Variants in SLC13A3 observed in about 807,000 individuals in gnomAD.
The protein encoded by SLC13A3 is Na(+)/dicarboxylate cotransporter 3.
SLC13A3 carries 40 observed loss-of-function variants against 59.0 expected under a neutral mutation model. That is an observed-to-expected ratio of 0.68 (90% confidence interval 0.53 to 0.88). The LOEUF (loss-of-function observed/expected upper bound fraction) is 0.88. Among genes scored for constraint, SLC13A3 ranks in the 40% least tolerant of loss-of-function variants. SLC13A3 has a pLI of 0.00. For missense variants in SLC13A3, 699 were observed against 783.2 expected (o/e 0.89, Z 1.28); for synonymous variants, 317 against 330.3 (o/e 0.96, Z 0.44).
At chr20:46,676,418 T>C (rs1386293033) in intron 1 of SLC13A3, among the ~76,000 whole-genome samples, 1,630 of 146,568 alleles carry the variant, frequency 0.011, 31 homozygotes, top group African/African-American at 0.038. Context: ...ACTCTTTTTT[T>C]TTTTTTTTTT....
At chr20:46,626,147 GTCTC>G (rs1315012362) in intron 1 of SLC13A3, among the ~76,000 whole-genome samples, 1 of 142,530 alleles carries the variant, frequency 7.0e-6, no homozygotes, top group Admixed American at 6.9e-5. Context: ...CTGTCTCTCT[GTCTC>G]TCTCTCCCCC....
chr20:46,634,412 GC>G (rs2062775044), intron 1 of SLC13A3, among the ~76,000 whole-genome samples: 1 of 152,068 alleles, frequency 6.6e-6, no homozygotes, highest in Non-Finnish European at 1.5e-5. Flanking sequence ...CTTGTCCCAT[GC>G]CCCAAAACAC....
chr20:46,606,677 AG>A (rs1369951644), intron 3 of SLC13A3, among the ~76,000 whole-genome samples: 2 of 152,218 alleles, frequency 1.3e-5, no homozygotes, highest in Non-Finnish European at 2.9e-5. Flanking sequence ...ACTCCAGCCT[AG>A]GAGACAGAGG....
At chr20:46,592,857 C>T (rs567142822) in intron 5 of SLC13A3, among the ~76,000 whole-genome samples, 1 of 152,196 alleles carries the variant, frequency 6.6e-6, no homozygotes, top group East Asian at 1.9e-4. Flanking sequence ...TTAAAGGGCT[C>T]AGCTGCTATT....
At chr20:46,651,516 G>A, upstream of SLC13A3, 1 of 1,336,608 alleles carries the variant, frequency 7.5e-7, no homozygotes, top group Non-Finnish European at 9.5e-7. Flanking sequence ...GGAGGGGACT[G>A]CGCTGGGGAA....
intron 8 of SLC13A3, chr20:46,584,264 A>C (rs1345416809): frequency 1.0e-6 from 1 of 985,300 alleles, no homozygotes; most frequent in Non-Finnish European, 1.2e-6. Context: ...AGCAGAAACA[A>C]CTTGTTCAAG....
intron 1 of SLC13A3, among the ~76,000 whole-genome samples, chr20:46,658,207 T>C (rs1398291491): frequency 1.3e-5 from 2 of 149,908 alleles, no homozygotes; most frequent in African/African-American, 5.0e-5. Context: ...TAAATAAATA[T>C]CAAAAAAAAA....
At chr20:46,589,659 C>A (rs907647147) in intron 6 of SLC13A3, among the ~76,000 whole-genome samples, 12 of 152,152 alleles carry the variant, frequency 7.9e-5, no homozygotes, top group Non-Finnish European at 1.5e-4. Flanking sequence ...ACATATAGAT[C>A]AATGGAACAG....
At chr20:46,660,982 T>C (rs1476202959) in intron 1 of SLC13A3, among the ~76,000 whole-genome samples, 2 of 152,210 alleles carry the variant, frequency 1.3e-5, no homozygotes, top group Non-Finnish European at 1.5e-5. Context: ...GTTCTTTTAA[T>C]AGTTTCCAGG....
At chr20:46,683,210 C>T (rs867829530) in intron 1 of SLC13A3, among the ~76,000 whole-genome samples, 32 of 152,266 alleles carry the variant, frequency 2.1e-4, no homozygotes, top group Middle Eastern at 3.4e-3. Context: ...GGCGGAATTT[C>T]CCTTCTAACA....
At chr20:46,665,558 T>C (rs1442004749) in intron 1 of SLC13A3, among the ~76,000 whole-genome samples, 1 of 152,252 alleles carries the variant, frequency 6.6e-6, no homozygotes, top group African/African-American at 2.4e-5. Flanking sequence ...TTCATCTCTG[T>C]CACAGCACGC....
chr20:46,631,324 C>G (rs533183852), intron 1 of SLC13A3, among the ~76,000 whole-genome samples: 124 of 152,286 alleles, frequency 8.1e-4, no homozygotes, highest in Admixed American at 2.5e-3. Context: ...AGTGGAGAAA[C>G]CCTGGTCTAA....
At chr20:46,678,454 G>T (rs765780928) in intron 1 of SLC13A3, among the ~76,000 whole-genome samples, 10 of 152,170 alleles carry the variant, frequency 6.6e-5, no homozygotes, top group Non-Finnish European at 1.5e-4. Flanking sequence ...CAGAAAGTGA[G>T]GTCTGAGGTC....
chr20:46,583,735 T>G, intron 8 of SLC13A3, 66 bp from the exon 9 acceptor site: 1 of 1,595,434 alleles, frequency 6.3e-7, no homozygotes, highest in Non-Finnish European at 8.5e-7. Flanking sequence ...TTGGCAGAAT[T>G]GTAAAGGAGG....
In SLC13A3 at chr20:46,618,228, T is replaced by C. The variant is rs181513043; in HGVS notation, c.112-4503A>G. ...CCTAGACTGTAGTCCACCCCTCTAC[T>C]AGGCATTCAAGGTTTGGTGCCTAGC... On this transcript the variant is annotated intron_variant, in intron 1 of 12. Transcript: ENST00000279027. 2.5e-3 allele frequency among the ~76,000 whole-genome samples: 375 copies of C among 152,326 alleles called. 1 individual carries two copies. Among genetic ancestry groups the C allele is most frequent in the Middle Eastern group, 6.8e-3 (2 of 294 alleles).
chr20:46,635,605 A>G (rs1039905472), intron 1 of SLC13A3, among the ~76,000 whole-genome samples: 6 of 152,076 alleles, frequency 3.9e-5, no homozygotes, highest in African/African-American at 1.4e-4. Flanking sequence ...TCTCCATAGC[A>G]GTTATCATCA....
chr20:46,639,533 C>T (rs2062826872), intron 1 of SLC13A3, among the ~76,000 whole-genome samples: 1 of 152,144 alleles, frequency 6.6e-6, no homozygotes, highest in African/African-American at 2.4e-5. Flanking sequence ...CTCCTCCCTC[C>T]ACTGCCTGAT....
Position 46,563,658 on chromosome 20 carries a change from C to T in SLC13A3, c.1495-107G>A, listed in dbSNP as rs1009042728. 15 of 1,213,946 alleles carry T rather than the reference C, an allele frequency of 1.2e-5. No homozygotes were observed. In the East Asian group the frequency reaches 1.6e-4, roughly 13 times the overall value. 75.2% of individuals were successfully genotyped at this position (1,213,946 alleles called of 1,614,324 possible). A position where few individuals can be genotyped will look rare whatever the true frequency, so the allele number is the denominator to read the frequency against. ...GCAGTTGGAAAGAGGGACACAAAGA[C>T]GTAGAGACAGAGAGACAAAGACATC... On this transcript the variant is annotated intron_variant, in intron 11 of 12. Coordinates refer to ENST00000279027, the MANE Select transcript of SLC13A3 (RefSeq NM_022829.6).
intron 11 of SLC13A3, among the ~76,000 whole-genome samples, chr20:46,565,836 A>G (rs2146080507): frequency 6.6e-6 from 1 of 152,300 alleles, no homozygotes; most frequent in African/African-American, 2.4e-5. Flanking sequence ...AGCCCCAACT[A>G]TCAACAGTGT....
Sources: gnomAD v4.1 joint callset for allele counts (sites outside exome capture counted in the v4.1 genomes callset) on GRCh38, gnomAD v4.1.1 for gene constraint, MANE v1.5 for transcripts, NCBI Gene and HGNC (gene_info 2026-07-23, HGNC 2026-07-21) for gene names.